Variants in GNG2 observed in about 807,000 individuals in gnomAD.
GNG2 encodes the protein guanine nucleotide-binding protein G(I)/G(S)/G(O) subunit gamma-2.
A neutral mutation model predicts 5.5 loss-of-function variants in GNG2; 5 were observed. The observed-to-expected ratio is 0.91, with a 90% CI of 0.48 to 1.92. The LOEUF is 1.92. Ranked by LOEUF, GNG2 falls within the 30% of genes most tolerant of loss-of-function variation. The pLI is 0.01. For synonymous variants in GNG2, 28 were observed against 32.0 expected (o/e 0.88, Z 0.42); for missense variants, 55 against 88.4 (o/e 0.62, Z 1.52).
intron 2 of GNG2, among the ~76,000 whole-genome samples, chr14:51,846,034 A>C (rs1881615461): frequency 6.6e-6 from 1 of 152,156 alleles, no homozygotes; most frequent in Non-Finnish European, 1.5e-5. Context: ...TTACAAAATG[A>C]CCTTGTGATT....
intron 2 of GNG2, among the ~76,000 whole-genome samples, chr14:51,924,150 C>A (rs983147619): frequency 4.6e-5 from 7 of 152,204 alleles, no homozygotes; most frequent in African/African-American, 1.7e-4. Context: ...GGGTTCCTAA[C>A]TGAGGTCCCT....
rs547820912 is a variant in GNG2, at chr14:51,949,584, A to G, written c.-29-1066A>G. On this transcript the variant is annotated intron_variant, in intron 2 of 3. Transcript: ENST00000556766. ...AAGATTCCATTAGTGTTGACGAGGC[A>G]GTGTTTAATGTTTCTGTTTCATGGG... Among the ~76,000 whole-genome samples the G allele has an allele frequency of 3.9e-5, 6 of 152,246 alleles. No individual in the cohort carries two copies. The East Asian group carries it at 1.2e-3, about 29-fold the overall frequency.
chr14:51,931,428 A>G (rs1887652518), intron 2 of GNG2, among the ~76,000 whole-genome samples: 1 of 152,168 alleles, frequency 6.6e-6, no homozygotes, highest in Non-Finnish European at 1.5e-5. Context: ...TCACATAGAG[A>G]GGGTGAGTAG....
chr14:51,949,390 T>TA (rs1001736734), intron 2 of GNG2, among the ~76,000 whole-genome samples: 4 of 152,062 alleles, frequency 2.6e-5, no homozygotes, highest in South Asian at 2.1e-4. Context: ...GTTGGTAGGT[T>TA]AAAAAAAATC....
chr14:51,900,219 T>C (rs954500117), intron 2 of GNG2, among the ~76,000 whole-genome samples: 3 of 152,228 alleles, frequency 2.0e-5, no homozygotes, highest in African/African-American at 7.2e-5. Flanking sequence ...TGTGAGGTGA[T>C]AGCTCATTGC....
intron 1 of GNG2, 104 bp downstream of exon 1, chr14:51,860,894 A>G (rs1384829154): frequency 6.6e-6 from 1 of 152,236 alleles, no homozygotes; most frequent in Non-Finnish European, 1.5e-5. Context: ...ACATCGCTTC[A>G]GGACTAGGGG....
chr14:51,907,812 A>G (rs891336232), intron 2 of GNG2, among the ~76,000 whole-genome samples: 1 of 152,220 alleles, frequency 6.6e-6, no homozygotes, highest in Non-Finnish European at 1.5e-5. Context: ...AGGAGAGAAC[A>G]GAATACCCTA....
At chr14:51,938,241 A>T (rs559420418) in intron 2 of GNG2, among the ~76,000 whole-genome samples, 1 of 152,204 alleles carries the variant, frequency 6.6e-6, no homozygotes, top group African/African-American at 2.4e-5. Flanking sequence ...TTGCTCATGA[A>T]GTTCTTGCTT....
At chr14:51,907,191 T>C (rs1485170855) in intron 2 of GNG2, among the ~76,000 whole-genome samples, 1 of 152,212 alleles carries the variant, frequency 6.6e-6, no homozygotes, top group African/African-American at 2.4e-5. Context: ...AATGAATTGA[T>C]GGTGCTATGG....
At chr14:51,949,932 A>C (rs2140283336) in intron 2 of GNG2, among the ~76,000 whole-genome samples, 1 of 152,282 alleles carries the variant, frequency 6.6e-6, no homozygotes, top group South Asian at 2.1e-4. Flanking sequence ...ACCATCTCGC[A>C]ATCTGCCTAG....
intron 1 of GNG2, among the ~76,000 whole-genome samples, chr14:51,875,466 G>A (rs1437138647): frequency 1.3e-5 from 2 of 152,152 alleles, no homozygotes; most frequent in Admixed American, 6.6e-5. Context: ...TAAAACCATG[G>A]AAGAAGACGA....
At chr14:51,888,716 T>C (rs1396540337) in intron 2 of GNG2, among the ~76,000 whole-genome samples, 1 of 152,210 alleles carries the variant, frequency 6.6e-6, no homozygotes, top group African/African-American at 2.4e-5. Context: ...TGGGTATAAA[T>C]GCAGATATAA....
chr14:51,876,107 T>G (rs1163215427), intron 1 of GNG2, among the ~76,000 whole-genome samples: 1 of 151,942 alleles, frequency 6.6e-6, no homozygotes, highest in Non-Finnish European at 1.5e-5. Context: ...CTGGCTAACT[T>G]TTGACTTTTA....
intron 1 of GNG2, among the ~76,000 whole-genome samples, chr14:51,862,698 G>T: frequency 6.6e-6 from 1 of 152,222 alleles, no homozygotes; most frequent in East Asian, 1.9e-4. Flanking sequence ...GAGTCAAGAG[G>T]GCCTTGCTAT....
intron 2 of GNG2, among the ~76,000 whole-genome samples, chr14:51,887,439 T>C (rs1884542889): frequency 6.6e-6 from 1 of 152,186 alleles, no homozygotes; most frequent in South Asian, 2.1e-4. Context: ...TGATCTAATC[T>C]AGATTAACCA....
At chr14:51,906,700 C>T (rs571481575) in intron 2 of GNG2, among the ~76,000 whole-genome samples, 5 of 150,564 alleles carry the variant, frequency 3.3e-5, no homozygotes, top group East Asian at 2.0e-4. Flanking sequence ...CCTATAATCA[C>T]GAAAATAGAA....
intron 2 of GNG2, among the ~76,000 whole-genome samples, chr14:51,894,271 A>G (rs1039500771): frequency 2.0e-5 from 3 of 152,162 alleles, no homozygotes; most frequent in Admixed American, 6.5e-5. Flanking sequence ...TTCTCGATAT[A>G]TAAAGATTTT....
At chr14:51,963,231 A>G (rs1487295845) in intron 3 of GNG2, among the ~76,000 whole-genome samples, 2 of 152,262 alleles carry the variant, frequency 1.3e-5, no homozygotes, top group Non-Finnish European at 2.9e-5. Context: ...GAAACCATTC[A>G]GAATCAAATG....
At position 51,889,766 on chromosome 14, in the gene GNG2, C is replaced by G. The variant is rs886699405; in HGVS notation, c.-30+12109C>G. ...GTGACATCTAGAGATAAATTGTGTT[C>G]GCAGATACAAGGTAGTTCAGTGCCG... On this transcript the variant is annotated intron_variant, in intron 2 of 3. Coordinates refer to ENST00000556766, the MANE Select transcript of GNG2 (RefSeq NM_053064.5). Among the ~76,000 whole-genome samples, 4 of 152,136 alleles carry G rather than the reference C, an allele frequency of 2.6e-5. No homozygotes were observed. The East Asian group carries it at 7.7e-4, about 29-fold the overall frequency.
Sources: allele counts gnomAD v4.1 joint callset (sites outside exome capture counted in the v4.1 genomes callset), GRCh38; gene constraint gnomAD v4.1.1; transcripts MANE v1.5; gene names NCBI Gene and HGNC (gene_info 2026-07-23, HGNC 2026-07-21).